The following ANKRD30BL variants were observed in gnomAD, a reference collection of about 807,000 sequenced individuals.
ANKRD30BL encodes putative ankyrin repeat domain-containing protein 30B-like.
Under a neutral mutation model 18.4 loss-of-function variants are expected in ANKRD30BL, and 20 were observed. The observed-to-expected ratio is 1.09, with a 90% CI of 0.77 to 1.58. ANKRD30BL has a LOEUF of 1.58. Ranked by LOEUF, ANKRD30BL falls within the 40% of genes most tolerant of loss-of-function variation. The pLI, the probability that ANKRD30BL is intolerant of heterozygous loss-of-function variation, is 0.00. For missense variants in ANKRD30BL, 224 were observed against 268.6 expected, an observed-to-expected ratio of 0.83 and a Z score of 1.16; for synonymous variants, 72 against 100.9, an observed-to-expected ratio of 0.71 and a Z score of 1.72.
intron 1 of ANKRD30BL, among the ~76,000 whole-genome samples, chr2:132,215,150 G>A (rs376779913): frequency 5.9e-5 from 9 of 151,896 alleles, no homozygotes; most frequent in South Asian, 4.1e-4. Context: ...CATTTGGAGC[G>A]CTTTGAGGCC....
chr2:132,221,659 C>T (rs1280612406), intron 1 of ANKRD30BL, among the ~76,000 whole-genome samples: 56 of 117,416 alleles, frequency 4.8e-4, no homozygotes, highest in African/African-American at 1.2e-3. Context: ...TTCAGCCCCC[C>T]GCCCGGCCAG....
chr2:132,222,152 C>A lies in ANKRD30BL; in HGVS notation n.441+35377G>T, dbSNP rs189743620. ...GGTGAGGGGCGCCTCTGCCCGGCCA[C>A]CCCTACTGGGAAGTGAGGAGCCCCT... On this transcript the variant is annotated intron_variant and non_coding_transcript_variant, in intron 1 of 4. Transcript: ENST00000470729. 8.1e-5 allele frequency among the ~76,000 whole-genome samples: 12 copies of A among 147,426 alleles called. No individual in the cohort carries two copies. The East Asian group carries it at 2.1e-3, about 26-fold the overall frequency.
intron 1 of ANKRD30BL, among the ~76,000 whole-genome samples, chr2:132,230,034 A>C (rs1679965247): frequency 6.6e-6 from 1 of 152,134 alleles, no homozygotes; most frequent in African/African-American, 2.4e-5. Flanking sequence ...ACAGCGTTGA[A>C]ACTTTCTTTT....
intron 1 of ANKRD30BL, among the ~76,000 whole-genome samples, chr2:132,236,674 G>C (rs1680160365): frequency 6.6e-6 from 1 of 152,166 alleles, no homozygotes; most frequent in Non-Finnish European, 1.5e-5. Flanking sequence ...TACACTGTTG[G>C]TGGGACTGTA....
chr2:132,187,049 T>C (rs563596713), intron 1 of ANKRD30BL, among the ~76,000 whole-genome samples: 16 of 152,190 alleles, frequency 1.1e-4, no homozygotes, highest in African/African-American at 3.6e-4. Context: ...GTTGATGATA[T>C]TGCCCACAAA....
intron 1 of ANKRD30BL, among the ~76,000 whole-genome samples, chr2:132,181,613 G>GCCTT (rs1206048409): frequency 6.6e-6 from 1 of 152,104 alleles, no homozygotes; most frequent in Non-Finnish European, 1.5e-5. Context: ...TACATATGTA[G>GCCTT]CCTTCCATTT....
At chr2:132,189,262 G>A (rs1283022370) in intron 1 of ANKRD30BL, among the ~76,000 whole-genome samples, 1 of 152,170 alleles carries the variant, frequency 6.6e-6, no homozygotes, top group Non-Finnish European at 1.5e-5. Flanking sequence ...AGCAGACATA[G>A]TCAACATACT....
At chr2:132,222,434 G>T (rs1046390742) in intron 1 of ANKRD30BL, among the ~76,000 whole-genome samples, 2 of 152,072 alleles carry the variant, frequency 1.3e-5, no homozygotes, top group African/African-American at 2.4e-5. Context: ...TCGGATGGTT[G>T]CCGGGTCTGT....
At chr2:132,164,269 C>CTTTTTTTTTTTTTTTTTTTTTTTTTT (rs796313755), upstream of ANKRD30BL, among the ~76,000 whole-genome samples, 21 of 112,198 alleles carry the variant, frequency 1.9e-4, no homozygotes, top group African/African-American at 3.7e-4. Context: ...TTTTCTTTTT[C>CTTTTTTTTTTTTTTTTTTTTTTTTTT]TTTTTTTTTT....
intron 1 of ANKRD30BL, among the ~76,000 whole-genome samples, chr2:132,248,090 T>C (rs1291330268): frequency 3.3e-5 from 5 of 152,038 alleles, no homozygotes; most frequent in Admixed American, 6.6e-5. Flanking sequence ...GTCTAGTTAT[T>C]ATGTGAAGAC....
intron 1 of ANKRD30BL, among the ~76,000 whole-genome samples, chr2:132,251,297 T>C (rs1021045939): frequency 4.6e-5 from 7 of 152,210 alleles, no homozygotes; most frequent in East Asian, 1.9e-4. Context: ...CTTACTCAGA[T>C]TGCAACTGTT....
chr2:132,257,027 C>G lies in ANKRD30BL; in HGVS notation n.441+502G>C, dbSNP rs572139132. On this transcript the variant is annotated intron_variant and non_coding_transcript_variant, in intron 1 of 4. Coordinates refer to the ANKRD30BL transcript ENST00000470729. ...GGCCACGGGATCCCACCGCCACAGA[C>G]AGGAGGGAGGTACCGCAGCGACCCG... 3.7e-4 allele frequency: 191 copies of G among 516,294 alleles called. 3 individuals are homozygous for G. The highest frequency in any genetic ancestry group is 2.6e-3 in the South Asian group (188 of 71,284). 32.0% of individuals were successfully genotyped at this position (516,294 alleles called of 1,614,324 possible).
chr2:132,217,956 A>T, intron 1 of ANKRD30BL, among the ~76,000 whole-genome samples: 1 of 151,704 alleles, frequency 6.6e-6, no homozygotes, highest in African/African-American at 2.4e-5. Context: ...CTTCACATAA[A>T]CTCTAGACAG....
rs573760761 is a variant in ANKRD30BL, at chr2:132,199,211, T to A, written n.442-42065A>T. ...CTCAAAAAATAAAATTTAAAAAAAA[T>A]TAGCTTGGCTTGGTGGTGTATGCCT... On this transcript the variant is annotated intron_variant and non_coding_transcript_variant, in intron 1 of 4. Transcript: ENST00000470729. 9.2e-5 allele frequency among the ~76,000 whole-genome samples: 14 copies of A among 152,048 alleles called. 1 individual carries two copies. The South Asian group carries it at 2.9e-3, about 32-fold the overall frequency.
intron 1 of ANKRD30BL, among the ~76,000 whole-genome samples, chr2:132,181,835 G>A (rs1688468683): frequency 6.6e-6 from 1 of 152,262 alleles, no homozygotes; most frequent in Non-Finnish European, 1.5e-5. Flanking sequence ...GACCAGGCTG[G>A]GGGCGGTGGC....
upstream of ANKRD30BL, among the ~76,000 whole-genome samples, chr2:132,164,209 T>A (rs1039058912): frequency 2.6e-5 from 4 of 152,030 alleles, no homozygotes; most frequent in African/African-American, 9.7e-5. Flanking sequence ...ATCACATGAG[T>A]TGTTTGCAGT....
chr2:132,240,991 A>G (rs950708184), intron 1 of ANKRD30BL, among the ~76,000 whole-genome samples: 4 of 152,066 alleles, frequency 2.6e-5, no homozygotes, highest in African/African-American at 9.6e-5. Flanking sequence ...CTTTCTTTGG[A>G]AATGGGAATA....
At chr2:132,176,479 C>T (rs921026707) in intron 1 of ANKRD30BL, among the ~76,000 whole-genome samples, 28 of 152,154 alleles carry the variant, frequency 1.8e-4, no homozygotes, top group Middle Eastern at 3.4e-3. Context: ...GGCATGGTGG[C>T]ACATGCCTGC....
At chr2:132,226,908 T>C (rs79176123) in intron 1 of ANKRD30BL, among the ~76,000 whole-genome samples, 20 of 152,122 alleles carry the variant, frequency 1.3e-4, no homozygotes, top group Non-Finnish European at 1.9e-4. Flanking sequence ...AACTTCTTTG[T>C]GATGTTTGCA....
Sources: allele counts gnomAD v4.1 joint callset (sites outside exome capture counted in the v4.1 genomes callset), GRCh38; gene constraint gnomAD v4.1.1; transcripts MANE v1.5; gene names NCBI Gene and HGNC (gene_info 2026-07-23, HGNC 2026-07-21).